CSGALNACT1: variants seen among roughly 807,000 people sequenced by gnomAD.
CSGALNACT1 encodes the protein chondroitin sulfate N-acetylgalactosaminyltransferase 1, also known as beta4GalNAcT-1.
Under a neutral mutation model 51.0 loss-of-function variants are expected in CSGALNACT1, and 52 were observed. That is an observed-to-expected ratio of 1.02 (90% CI 0.82 to 1.29). CSGALNACT1 has a LOEUF of 1.29. CSGALNACT1 is among the 50% of genes most tolerant of loss of function. The probability of loss-of-function intolerance (pLI) is 0.00; values close to 1 mark genes in which losing one functional copy is unlikely to be tolerated. For missense variants in CSGALNACT1, 935 were observed against 679.2 expected (o/e 1.38, Z -4.19); for synonymous variants, 341 against 254.4 (o/e 1.34, Z -3.24).
At chr8:19,744,385 A>G (rs2064513193) in intron 1 of CSGALNACT1, among the ~76,000 whole-genome samples, 1 of 152,198 alleles carries the variant, frequency 6.6e-6, no homozygotes. Flanking sequence ...GCTGTTTCTC[A>G]AAAACCATAT....
At chr8:19,537,891 C>T (rs1431359676) in intron 3 of CSGALNACT1, among the ~76,000 whole-genome samples, 4 of 152,170 alleles carry the variant, frequency 2.6e-5, no homozygotes, top group South Asian at 2.1e-4. Flanking sequence ...AAGAAACATA[C>T]ATTGGACTTC....
intron 4 of CSGALNACT1, among the ~76,000 whole-genome samples, chr8:19,492,025 C>T (rs572935408): frequency 6.6e-6 from 1 of 152,294 alleles, no homozygotes; most frequent in South Asian, 2.1e-4. Context: ...TGACCATAAA[C>T]ATATTCATAA....
chr8:19,583,629 A>G (rs1414819416), intron 3 of CSGALNACT1, among the ~76,000 whole-genome samples: 1 of 152,212 alleles, frequency 6.6e-6, no homozygotes, highest in Non-Finnish European at 1.5e-5. Context: ...GCAGCAGAGA[A>G]GTACATTCAA....
At chr8:19,536,503 G>A (rs1342131778) in intron 3 of CSGALNACT1, among the ~76,000 whole-genome samples, 1 of 152,052 alleles carries the variant, frequency 6.6e-6, no homozygotes, top group Admixed American at 6.6e-5. Context: ...ACAAGACACA[G>A]ATGAAAATTT....
intron 1 of CSGALNACT1, among the ~76,000 whole-genome samples, chr8:19,661,789 C>T (rs1379996292): frequency 6.6e-6 from 1 of 152,132 alleles, no homozygotes; most frequent in East Asian, 1.9e-4. Flanking sequence ...TACAGATGTG[C>T]CACTCATTTC....
chr8:19,524,024 T>C (rs2081212916), intron 3 of CSGALNACT1, among the ~76,000 whole-genome samples: 2 of 152,192 alleles, frequency 1.3e-5, no homozygotes. Flanking sequence ...CCAGGCACAG[T>C]AGCTCACACC....
At chr8:19,707,104 C>T (rs1167822879) in intron 1 of CSGALNACT1, among the ~76,000 whole-genome samples, 1 of 151,940 alleles carries the variant, frequency 6.6e-6, no homozygotes, top group Non-Finnish European at 1.5e-5. Flanking sequence ...GATCTATTCA[C>T]CAAGACAATC....
intron 3 of CSGALNACT1, among the ~76,000 whole-genome samples, chr8:19,547,069 A>G (rs2086645492): frequency 6.6e-6 from 1 of 152,200 alleles, no homozygotes; most frequent in Non-Finnish European, 1.5e-5. Flanking sequence ...TGGGTTTTCT[A>G]TACCCAAGAA....
intron 1 of CSGALNACT1, among the ~76,000 whole-genome samples, chr8:19,666,831 G>A (rs202230485): frequency 0.19 from 4,532 of 24,122 alleles, 340 homozygotes; most frequent in Middle Eastern, 0.32. Context: ...GAGAGAGAGA[G>A]AGAAAGAAAG....
chr8:19,408,781 T>C lies in CSGALNACT1; in HGVS notation c.1228-87A>G, dbSNP rs1052032829. ...CAAACTCCTGTGAGCCACCGTGGAG[T>C]GTGGAGCCCATCCCATCACTGATAA... On this transcript the variant is annotated intron_variant, in intron 8 of 9. Transcript: ENST00000454498. 6 of 1,154,780 alleles carry C rather than the reference T, an allele frequency of 5.2e-6. No homozygotes were observed. The Middle Eastern group carries it at 7.7e-4, about 148-fold the overall frequency. The allele number at this position is 1,154,780 out of a possible 1,614,324, so 71.5% of individuals were successfully genotyped here.
chr8:19,473,789 T>C (rs574229060), intron 4 of CSGALNACT1, among the ~76,000 whole-genome samples: 3 of 152,300 alleles, frequency 2.0e-5, no homozygotes, highest in African/African-American at 7.2e-5. Context: ...CACTGGATAT[T>C]TGGGGAAAAT....
chr8:19,596,270 T>C (rs564830771), intron 2 of CSGALNACT1, among the ~76,000 whole-genome samples: 16 of 152,266 alleles, frequency 1.1e-4, no homozygotes, highest in African/African-American at 3.6e-4. Flanking sequence ...AATTGCATTC[T>C]TTCAGACACC....
chr8:19,688,347 TA>T (rs761315333), intron 1 of CSGALNACT1, among the ~76,000 whole-genome samples: 2 of 151,408 alleles, frequency 1.3e-5, no homozygotes, highest in Non-Finnish European at 1.5e-5. Context: ...ATTGATTCTG[TA>T]AAAAAAAATC....
intron 1 of CSGALNACT1, among the ~76,000 whole-genome samples, chr8:19,633,021 G>C (rs1026867107): frequency 1.3e-5 from 2 of 151,076 alleles, no homozygotes; most frequent in Admixed American, 1.3e-4. Flanking sequence ...GCCCACCTCA[G>C]CCTGCCAAAA....
Position 19,462,354 on chromosome 8 carries a change from T to TC in CSGALNACT1, c.635-3713dup, listed in dbSNP as rs34073636. ...TGCAGGCAGAGGAATGATTTTTTTT[T>TC]CCCAATGAAGTCATTTACTCAGAGG... is the stretch of plus-strand genomic sequence containing the variant. On this transcript the variant is annotated intron_variant, in intron 4 of 9. Transcript: ENST00000454498. Among the ~76,000 whole-genome samples, 983 of 151,988 alleles carry TC rather than the reference T, an allele frequency of 6.5e-3. 11 individuals are homozygous for TC. Among genetic ancestry groups the TC allele is most frequent in the African/African-American group, 0.023 (937 of 41,464 alleles).
At chr8:19,693,189 C>G (rs3735956) in intron 1 of CSGALNACT1, among the ~76,000 whole-genome samples, 114,847 of 152,016 alleles carry the variant, frequency 0.76, 43,502 homozygotes, top group East Asian at 0.85. Context: ...ACTGGAGGAC[C>G]AGAGGAAGCC....
At chr8:19,605,546 G>A (rs1038738477), upstream of CSGALNACT1, among the ~76,000 whole-genome samples, 2 of 152,216 alleles carry the variant, frequency 1.3e-5, no homozygotes, top group Admixed American at 6.5e-5. Flanking sequence ...TTGGCACAGA[G>A]AGTGAGGATT....
chr8:19,518,334 G>A (rs1012131333), intron 3 of CSGALNACT1, among the ~76,000 whole-genome samples: 1 of 152,154 alleles, frequency 6.6e-6, no homozygotes, highest in Non-Finnish European at 1.5e-5. Flanking sequence ...CTAAGGACTA[G>A]AAGTATTCAA....
intron 3 of CSGALNACT1, among the ~76,000 whole-genome samples, chr8:19,549,281 A>C (rs35086264): frequency 0.13 from 19,773 of 152,096 alleles, 1,704 homozygotes; most frequent in African/African-American, 0.25. Context: ...TTTATATAAC[A>C]GTATTTTGTC....
Sources: gnomAD v4.1 joint callset for allele counts (sites outside exome capture counted in the v4.1 genomes callset) on GRCh38, gnomAD v4.1.1 for gene constraint, MANE v1.5 for transcripts, NCBI Gene and HGNC (gene_info 2026-07-23, HGNC 2026-07-21) for gene names.